The following ELL variants were observed in gnomAD, a reference collection of about 807,000 sequenced individuals.
ELL encodes the protein elongation factor for RNA polymerase II, also known as RNA polymerase II elongation factor ELL.
A neutral mutation model predicts 64.0 loss-of-function variants in ELL; 18 were observed. That is an observed-to-expected ratio of 0.28 (90% CI 0.19 to 0.42). The LOEUF (loss-of-function observed/expected upper bound fraction) is 0.42, where lower values mean the gene tolerates loss of function less well. ELL is among the 10% of genes least tolerant of loss of function. The probability of loss-of-function intolerance (pLI) is 1.00; values close to 1 mark genes in which losing one functional copy is unlikely to be tolerated. For missense variants in ELL, 797 were observed against 870.4 expected (o/e 0.92, Z 1.06); for synonymous variants, 399 against 376.2 (o/e 1.06, Z -0.70).
rs371649763 is a variant in ELL, at chr19:18,462,372, GGGGGC to G, written c.470-525_470-521del. Reference sequence around the variant, plus strand: ...GTGTGTGTGTGTGTGTGTTTGGGCGGGGGGCGGGGGGGGAAGGATTGTTTTGTTTT... The same window carrying G: ...GTGTGTGTGTGTGTGTGTTTGGGCGGGGGGGGGGAAGGATTGTTTTGTTTT... On this transcript the variant is annotated intron_variant, in intron 4 of 11. Coordinates refer to ENST00000262809, the MANE Select transcript of ELL (RefSeq NM_006532.4). Among the ~76,000 whole-genome samples, 326 of 54,292 alleles carry G rather than the reference GGGGGC, an allele frequency of 6.0e-3. 21 individuals carry two copies. The highest frequency in any genetic ancestry group is 0.032 in the African/African-American group (177 of 5,604). The allele number at this position is 54,292 out of a possible 152,430, so 35.6% of individuals were successfully genotyped here. A position where few individuals can be genotyped will look rare whatever the true frequency, so the allele number is the denominator to read the frequency against.
chr19:18,497,173 C>T (rs917184587), intron 1 of ELL, among the ~76,000 whole-genome samples: 3 of 152,232 alleles, frequency 2.0e-5, no homozygotes, highest in Non-Finnish European at 2.9e-5. Context: ...TAAACCATGT[C>T]ACATCCAGAC....
At chr19:18,466,575 C>T (rs912671715) in intron 2 of ELL, among the ~76,000 whole-genome samples, 11 of 152,226 alleles carry the variant, frequency 7.2e-5, no homozygotes, top group Non-Finnish European at 1.5e-4. Flanking sequence ...AGCTCCAGCC[C>T]TGTCTGGGAG....
At chr19:18,509,580 CGTGCGCGCGCGCGCACAT>C (rs1325567617) in intron 1 of ELL, among the ~76,000 whole-genome samples, 5 of 135,260 alleles carry the variant, frequency 3.7e-5, no homozygotes, top group East Asian at 4.2e-4. Flanking sequence ...GGCCAATGCA[CGTGCGCGCGCGCGCACAT>C]ACACACACAC....
At chr19:18,471,369 C>T (rs890618543) in intron 2 of ELL, 4 of 449,446 alleles carry the variant, frequency 8.9e-6, no homozygotes, top group Non-Finnish European at 1.8e-5. Context: ...AGAGACTCAT[C>T]TCTTAAAAAA....
At chr19:18,521,593 C>A (rs1437567625) in intron 1 of ELL, among the ~76,000 whole-genome samples, 9 of 152,140 alleles carry the variant, frequency 5.9e-5, no homozygotes, top group Non-Finnish European at 1.0e-4. Flanking sequence ...GGTGCGCAAA[C>A]TGGACCCTGC....
chr19:18,482,537 C>G lies in ELL; in HGVS notation c.136-9655G>C, dbSNP rs544609993. ...ATTTTTAGTCGAGACGGGTTTTCAC[C>G]ATGTTGGCCAGGCTGATCTCAAACT... On this transcript the variant is annotated intron_variant, in intron 1 of 11. Coordinates refer to ENST00000262809, the MANE Select transcript of ELL (RefSeq NM_006532.4). 1.3e-4 allele frequency among the ~76,000 whole-genome samples: 19 copies of G among 151,968 alleles called. No individual in the cohort carries two copies. In the East Asian group the frequency reaches 3.5e-3, roughly 28 times the overall value.
intron 1 of ELL, among the ~76,000 whole-genome samples, chr19:18,515,078 G>A (rs1013358383): frequency 2.0e-5 from 3 of 152,204 alleles, no homozygotes; most frequent in African/African-American, 4.8e-5. Context: ...CCGAGTGAGC[G>A]CTGCCTGCTG....
At position 18,465,903 on chromosome 19, in the gene ELL, G is replaced by A. The variant is rs1054854461; in HGVS notation, c.199C>T (p.Gln67Ter). 1 of 1,325,386 alleles carries A rather than the reference G, an allele frequency of 7.5e-7. No homozygotes were observed. The highest frequency in any genetic ancestry group is 9.7e-7 in the Non-Finnish European group (1 of 1,029,502). 82.1% of individuals were successfully genotyped at this position (1,325,386 alleles called of 1,614,324 possible). A position where few individuals can be genotyped will look rare whatever the true frequency, so the allele number is the denominator to read the frequency against. ...CGCGCCTCTGCGGGGCAGTCAGGCT[G>A]GGGGATGGAGATGTGCTGCGTGGAG... ...QGSQGHISIPQPDCPAEARTF... is the reference protein window; with the variant it reads ...QGSQGHISIP Residue 67 changes from glutamine (Q) to a stop codon, truncating the protein, a stop_gained, in exon 3 of 12, where the codon CAG (glutamine) becomes TAG (stop). Transcript: ENST00000262809. LOFTEE classifies it high-confidence loss of function.
At position 18,446,314 on chromosome 19, in the gene ELL, A is replaced by G; in HGVS notation, c.1699T>C (p.Tyr567His). 6.3e-7 allele frequency: 1 copy of G among 1,581,226 alleles called. No homozygotes were observed. Among genetic ancestry groups the G allele is most frequent in the Non-Finnish European group, 8.6e-7 (1 of 1,167,066 alleles). The change falls in exon 10 of 12, where the codon TAT becomes CAT. Residue 567 changes from tyrosine (Y) to histidine (H), a missense_variant. Tyr to His is a moderately conservative substitution (Grantham distance 83). Transcript: ENST00000262809. ...AGGCAGCGGGGGGGCTCTACCTCATACTCCTCGGAGCCCTGGGAGAGCTGC... is the reference window on the plus strand; with the variant it reads ...AGGCAGCGGGGGGGCTCTACCTCATGCTCCTCGGAGCCCTGGGAGAGCTGC... The part of the protein sequence containing the change: ...LRQLSQGSEE[Y>H]ETTRGQILQE...
intron 10 of ELL, chr19:18,446,062 G>A (rs1974407422): frequency 1.9e-6 from 1 of 522,662 alleles, no homozygotes; most frequent in East Asian, 3.3e-5. Flanking sequence ...CCAAGGAGGT[G>A]GGTCACAGCT....
chr19:18,504,792 T>C (rs530996689), intron 1 of ELL, among the ~76,000 whole-genome samples: 2 of 152,134 alleles, frequency 1.3e-5, no homozygotes, highest in Non-Finnish European at 2.9e-5. Context: ...ACACTGCATA[T>C]ACCAGAACCC....
chr19:18,513,931 A>AAAAAC (rs1313252211), intron 1 of ELL, among the ~76,000 whole-genome samples: 5 of 152,134 alleles, frequency 3.3e-5, no homozygotes, highest in Admixed American at 6.5e-5. Context: ...ACTCCATCTC[A>AAAAAC]AAAACAAAAC....
chr19:18,472,626 T>C, intron 2 of ELL: 1 of 572,730 alleles, frequency 1.7e-6, no homozygotes, highest in Non-Finnish European at 3.0e-6. Context: ...AGCCGCCCAT[T>C]GCCCAAGCAG....
intron 5 of ELL, among the ~76,000 whole-genome samples, chr19:18,459,128 C>T (rs1167334580): frequency 6.6e-6 from 1 of 152,216 alleles, no homozygotes; most frequent in Admixed American, 6.5e-5. Flanking sequence ...ATCCTCCCAC[C>T]TCAGCCTCCC....
intron 2 of ELL, among the ~76,000 whole-genome samples, chr19:18,472,107 C>A (rs754254652): frequency 2.6e-5 from 4 of 152,006 alleles, no homozygotes; most frequent in Non-Finnish European, 5.9e-5. Flanking sequence ...AGATTATAGG[C>A]ATGCACCACC....
At chr19:18,518,396 G>A (rs1037407248) in intron 1 of ELL, among the ~76,000 whole-genome samples, 1 of 151,506 alleles carries the variant, frequency 6.6e-6, no homozygotes, top group African/African-American at 2.4e-5. Flanking sequence ...AGCTACTCAG[G>A]AGACTGAAGC....
At chr19:18,506,237 G>A (rs933234833) in intron 1 of ELL, among the ~76,000 whole-genome samples, 2 of 152,212 alleles carry the variant, frequency 1.3e-5, no homozygotes, top group Non-Finnish European at 2.9e-5. Context: ...TGCTGGCACC[G>A]CCCCAGGCCT....
At chr19:18,472,785 C>A (rs758233975) in intron 2 of ELL, 50 bp downstream of exon 2, 2 of 1,567,446 alleles carry the variant, frequency 1.3e-6, no homozygotes, top group Admixed American at 3.8e-5. Context: ...AGACCTGAGA[C>A]TATACCAGTC....
chr19:18,461,427 C>G (rs973132858), intron 5 of ELL, 151 bp downstream of exon 5: 1 of 1,254,658 alleles, frequency 8.0e-7, no homozygotes, highest in Admixed American at 2.7e-5. Flanking sequence ...GAGGCCCTGG[C>G]TCTCAGGCAG....
Sources: gnomAD v4.1 joint callset for allele counts (sites outside exome capture counted in the v4.1 genomes callset) on GRCh38, gnomAD v4.1.1 for gene constraint, MANE v1.5 for transcripts, NCBI Gene and HGNC (gene_info 2026-07-23, HGNC 2026-07-21) for gene names.